Variants in PDE4D observed in about 807,000 individuals in gnomAD.
PDE4D encodes 3',5'-cyclic-AMP phosphodiesterase 4D.
In PDE4D, 24 loss-of-function variants were observed where a neutral mutation model predicts 87.4. The ratio of observed to expected loss-of-function variants is 0.27; its 90% confidence interval spans 0.20 to 0.39. PDE4D has a LOEUF of 0.39. Ranked by LOEUF, PDE4D falls within the 10% of genes least tolerant of loss-of-function variation. PDE4D has a pLI of 1.00. For synonymous variants in PDE4D, 384 were observed against 383.2 expected, an observed-to-expected ratio of 1.00 and a Z score of -0.02; for missense variants, 714 against 1,041.0, an observed-to-expected ratio of 0.69 and a Z score of 4.32.
chr5:60,249,858 T>G (rs1354371919), intron 1 of PDE4D, among the ~76,000 whole-genome samples: 1 of 151,966 alleles, frequency 6.6e-6, no homozygotes, highest in Non-Finnish European at 1.5e-5. Context: ...AGGTATGAAA[T>G]GATGTTCAGA....
chr5:59,425,664 T>C (rs1285544250), intron 1 of PDE4D, among the ~76,000 whole-genome samples: 1 of 152,200 alleles, frequency 6.6e-6, no homozygotes, highest in Non-Finnish European at 1.5e-5. Context: ...GGTGGTTGAA[T>C]TTGATAAAGA....
At chr5:59,935,538 T>G (rs1189253671) in intron 3 of PDE4D, among the ~76,000 whole-genome samples, 1 of 152,196 alleles carries the variant, frequency 6.6e-6, no homozygotes, top group Non-Finnish European at 1.5e-5. Flanking sequence ...GTAATTCAAT[T>G]CTTGCAAAGT....
intron 1 of PDE4D, among the ~76,000 whole-genome samples, chr5:59,292,394 C>T (rs1477480649): frequency 6.6e-6 from 1 of 152,070 alleles, no homozygotes; most frequent in Non-Finnish European, 1.5e-5. Context: ...CCTTTTTAGG[C>T]CTCACTACTT....
intron 1 of PDE4D, among the ~76,000 whole-genome samples, chr5:59,268,393 A>T (rs1294226966): frequency 6.6e-6 from 1 of 152,100 alleles, no homozygotes; most frequent in East Asian, 1.9e-4. Context: ...GAGCTGAGAC[A>T]TATCACTGGC....
chr5:60,108,823 C>T (rs1777343077), intron 2 of PDE4D, among the ~76,000 whole-genome samples: 2 of 152,044 alleles, frequency 1.3e-5, no homozygotes, highest in Non-Finnish European at 2.9e-5. Context: ...AAAGCTGAAA[C>T]TGGATCCCTT....
intron 2 of PDE4D, among the ~76,000 whole-genome samples, chr5:60,048,045 G>A (rs1429585560): frequency 6.6e-6 from 1 of 152,094 alleles, no homozygotes; most frequent in Non-Finnish European, 1.5e-5. Flanking sequence ...GCATCTGGGT[G>A]CTCCTGTATT....
chr5:59,424,643 A>C (rs1794940364), intron 1 of PDE4D, among the ~76,000 whole-genome samples: 5 of 152,188 alleles, frequency 3.3e-5, no homozygotes, highest in Admixed American at 3.3e-4. Flanking sequence ...CTCACTCACT[A>C]TCACGAGAGC....
chr5:59,356,070 A>G (rs1017327411), intron 1 of PDE4D, among the ~76,000 whole-genome samples: 1 of 152,220 alleles, frequency 6.6e-6, no homozygotes, highest in Non-Finnish European at 1.5e-5. Context: ...TTTCTAAACA[A>G]TAATAAAGAA....
At chr5:60,028,281 T>C (rs534484065) in intron 2 of PDE4D, among the ~76,000 whole-genome samples, 39 of 152,298 alleles carry the variant, frequency 2.6e-4, no homozygotes, top group South Asian at 2.5e-3. Context: ...GGCCCCAAGA[T>C]TTATTTTCCT....
chr5:59,280,249 A>G (rs1479414873), intron 1 of PDE4D, among the ~76,000 whole-genome samples: 28 of 152,114 alleles, frequency 1.8e-4, no homozygotes, highest in Non-Finnish European at 1.5e-5. Flanking sequence ...ATACTGGTTA[A>G]TAAATGATCA....
intron 2 of PDE4D, among the ~76,000 whole-genome samples, chr5:60,086,257 G>A (rs906529275): frequency 2.0e-5 from 3 of 152,140 alleles, no homozygotes; most frequent in African/African-American, 7.2e-5. Context: ...ATATATGGAA[G>A]CTTTATTTTT....
chr5:59,379,426 A>T (rs1785340926), intron 1 of PDE4D, among the ~76,000 whole-genome samples: 1 of 152,098 alleles, frequency 6.6e-6, no homozygotes, highest in Non-Finnish European at 1.5e-5. Context: ...TTTTTTTAAA[A>T]ATCATCTATA....
At chr5:59,089,736 A>T (rs1029095547) in intron 5 of PDE4D, among the ~76,000 whole-genome samples, 3 of 152,192 alleles carry the variant, frequency 2.0e-5, no homozygotes, top group Non-Finnish European at 4.4e-5. Context: ...ATATAATAGT[A>T]GAGTGCATTT....
intron 1 of PDE4D, among the ~76,000 whole-genome samples, chr5:59,328,646 T>G (rs1373312739): frequency 6.6e-6 from 1 of 152,198 alleles, no homozygotes; most frequent in Non-Finnish European, 1.5e-5. Flanking sequence ...CCTTGGTACA[T>G]GTGTGGCTTT....
intron 1 of PDE4D, among the ~76,000 whole-genome samples, chr5:60,358,747 AG>A (rs1224989590): frequency 6.6e-6 from 1 of 152,196 alleles, no homozygotes; most frequent in Non-Finnish European, 1.5e-5. Flanking sequence ...GTTTCATTCA[AG>A]TTCAGTGTTG....
intron 1 of PDE4D, among the ~76,000 whole-genome samples, chr5:60,426,952 T>C (rs1247720914): frequency 3.3e-5 from 5 of 151,612 alleles, no homozygotes; most frequent in African/African-American, 7.3e-5. Flanking sequence ...GAATAGCTGA[T>C]TAGAGATGGC....
chr5:60,299,035 T>A (rs7703345), intron 1 of PDE4D, among the ~76,000 whole-genome samples: 13,353 of 152,268 alleles, frequency 0.088, 1,921 homozygotes, highest in African/African-American at 0.31. Context: ...TATTAACTAC[T>A]GGATTGTGTC....
chr5:59,645,297 C>T (rs554649345), intron 1 of PDE4D, among the ~76,000 whole-genome samples: 1 of 152,206 alleles, frequency 6.6e-6, no homozygotes, highest in South Asian at 2.1e-4. Context: ...CTTCCTAAGG[C>T]ACTGGAAAAG....
intron 3 of PDE4D, among the ~76,000 whole-genome samples, chr5:59,972,006 C>T (rs1021546341): frequency 6.6e-6 from 1 of 152,196 alleles, no homozygotes; most frequent in Non-Finnish European, 1.5e-5. Flanking sequence ...GCCTGGGACC[C>T]TATTCCTCAC....
Sources: gnomAD v4.1 joint callset for allele counts (sites outside exome capture counted in the v4.1 genomes callset) on GRCh38, gnomAD v4.1.1 for gene constraint, MANE v1.5 for transcripts, NCBI Gene and HGNC (gene_info 2026-07-23, HGNC 2026-07-21) for gene names.